Variants in PALM2AKAP2 observed in about 807,000 individuals in gnomAD.
The protein encoded by PALM2AKAP2 is PALM2-AKAP2 fusion protein.
In PALM2AKAP2, 37 loss-of-function variants were observed where a neutral mutation model predicts 71.5. The ratio of observed to expected loss-of-function variants is 0.52; its 90% CI spans 0.40 to 0.68. PALM2AKAP2 has a LOEUF of 0.68. Among genes scored for constraint, PALM2AKAP2 ranks in the 30% least tolerant of loss-of-function variants. The pLI, the probability that PALM2AKAP2 is intolerant of heterozygous loss-of-function variation, is 0.00. For missense variants in PALM2AKAP2, 1,224 were observed against 1,191.8 expected, an observed-to-expected ratio of 1.03 and a Z score of -0.40; for synonymous variants, 468 against 478.8, an observed-to-expected ratio of 0.98 and a Z score of 0.29.
intron 1 of PALM2AKAP2, among the ~76,000 whole-genome samples, chr9:109,797,341 G>T (rs1827289550): frequency 6.6e-6 from 1 of 152,226 alleles, no homozygotes. Flanking sequence ...AATGGAAACA[G>T]TTGCTTTGCC....
At chr9:109,977,915 G>A (rs557974083) in intron 6 of PALM2AKAP2, among the ~76,000 whole-genome samples, 16 of 152,250 alleles carry the variant, frequency 1.1e-4, no homozygotes, top group African/African-American at 3.6e-4. Context: ...TGGTGGCCTA[G>A]CTTAGATAGT....
At chr9:109,781,568 A>G (rs1291682196) in intron 1 of PALM2AKAP2, among the ~76,000 whole-genome samples, 4 of 152,234 alleles carry the variant, frequency 2.6e-5, no homozygotes, top group Non-Finnish European at 4.4e-5. Context: ...AGCGTTTTCC[A>G]AAACCTTTTT....
At chr9:109,948,779 A>G (rs550858979) in intron 6 of PALM2AKAP2, among the ~76,000 whole-genome samples, 1 of 152,334 alleles carries the variant, frequency 6.6e-6, no homozygotes, top group South Asian at 2.1e-4. Flanking sequence ...CAGAAAGAAA[A>G]GAATTACAGG....
intron 6 of PALM2AKAP2, among the ~76,000 whole-genome samples, chr9:109,997,224 A>G (rs548123609): frequency 2.0e-4 from 30 of 152,214 alleles, no homozygotes; most frequent in Middle Eastern, 3.4e-3. Context: ...AAGTAATAAA[A>G]AGTAAATAAA....
chr9:109,867,114 G>A (rs1267586807), intron 1 of PALM2AKAP2: 1 of 456,818 alleles, frequency 2.2e-6, no homozygotes, highest in South Asian at 1.5e-5. Flanking sequence ...TTTGGATTGA[G>A]ACGTTTTTAT....
chr9:109,732,444 T>C (rs1027041118), intron 1 of PALM2AKAP2, among the ~76,000 whole-genome samples: 3 of 152,214 alleles, frequency 2.0e-5, no homozygotes, highest in African/African-American at 4.8e-5. Context: ...TTATTTATAA[T>C]TGATTGCTGT....
intron 1 of PALM2AKAP2, among the ~76,000 whole-genome samples, chr9:109,845,157 C>T (rs952541613): frequency 1.3e-5 from 2 of 152,236 alleles, no homozygotes; most frequent in African/African-American, 2.4e-5. Flanking sequence ...CTCTATCCTC[C>T]TGAAAAGAGG....
intron 3 of PALM2AKAP2, among the ~76,000 whole-genome samples, chr9:109,921,216 T>C (rs1345598899): frequency 6.6e-6 from 1 of 152,182 alleles, no homozygotes; most frequent in Non-Finnish European, 1.5e-5. Context: ...GCAACTTAGC[T>C]CAGCTTTTTA....
chr9:110,062,759 A>G (rs1289821011), intron 1 of PALM2AKAP2, among the ~76,000 whole-genome samples: 3 of 152,220 alleles, frequency 2.0e-5, no homozygotes, highest in Non-Finnish European at 2.9e-5. Context: ...CTATTTTCTC[A>G]TATAGTTGTA....
At position 110,014,923 on chromosome 9, in the gene PALM2AKAP2, G is replaced by A. The variant is rs538958750; in HGVS notation, c.497-1031G>A. Among the ~76,000 whole-genome samples, 8 of 133,160 alleles carry A rather than the reference G, an allele frequency of 6.0e-5. No homozygotes were observed. In the East Asian group the frequency reaches 1.2e-3, roughly 20 times the overall value. 87.4% of individuals were successfully genotyped at this position (133,160 alleles called of 152,430 possible). ...TGTAGATCATTTTAACTCTATTCAC[G>A]TACATAACTGCATCTGAATTAGTAC... On this transcript the variant is annotated intron_variant, in intron 6 of 9. Transcript: ENST00000302798.
intron 7 of PALM2AKAP2, among the ~76,000 whole-genome samples, chr9:110,033,886 T>C (rs189095169): frequency 7.0e-4 from 107 of 152,320 alleles, no homozygotes; most frequent in African/African-American, 2.5e-3. Context: ...GTGTATTCTG[T>C]GGCCTTTATA....
At chr9:109,643,432 C>T (rs1195049041) in intron 1 of PALM2AKAP2, among the ~76,000 whole-genome samples, 2 of 152,246 alleles carry the variant, frequency 1.3e-5, no homozygotes, top group Admixed American at 1.3e-4. Context: ...TGATATGTTT[C>T]TCCCAGACTT....
chr9:109,925,778 C>T (rs974457218), intron 5 of PALM2AKAP2, among the ~76,000 whole-genome samples: 15 of 152,184 alleles, frequency 9.9e-5, no homozygotes, highest in African/African-American at 3.4e-4. Context: ...GTACTTCTCA[C>T]CCTTCACCTT....
chr9:110,064,384 G>A (rs752203655), intron 1 of PALM2AKAP2, among the ~76,000 whole-genome samples: 1 of 152,190 alleles, frequency 6.6e-6, no homozygotes, highest in East Asian at 1.9e-4. Context: ...TCCTAGCCCA[G>A]CCTCGGTCTG....
Position 109,840,864 on chromosome 9 carries a change from G to A in PALM2AKAP2, c.46-26627G>A, listed in dbSNP as rs183580007. The stretch of plus-strand genomic sequence containing the variant: ...AATGGCGATCATTAAAAAGTCAGGA[G>A]ACAACAGGTGCTGGAGAGGATGTGG... On this transcript the variant is annotated intron_variant, in intron 1 of 9. Transcript: ENST00000302798. Among the ~76,000 whole-genome samples the A allele has an allele frequency of 6.8e-3, 1,030 of 152,244 alleles. 7 individuals are homozygous for A. The highest frequency in any genetic ancestry group is 0.044 in the Middle Eastern group (13 of 294).
intron 1 of PALM2AKAP2, among the ~76,000 whole-genome samples, chr9:109,687,574 G>C (rs145134312): frequency 6.6e-6 from 1 of 152,218 alleles, no homozygotes; most frequent in African/African-American, 2.4e-5. Context: ...ATTGAAGACA[G>C]TTAGAGCCTT....
At chr9:110,054,321 C>T (rs1833783643) in intron 1 of PALM2AKAP2, among the ~76,000 whole-genome samples, 1 of 152,124 alleles carries the variant, frequency 6.6e-6, no homozygotes, top group African/African-American at 2.4e-5. Context: ...ATCGCTTGAA[C>T]CCAGGAGGCA....
At chr9:109,929,178 T>A (rs376038022) in intron 5 of PALM2AKAP2, among the ~76,000 whole-genome samples, 1 of 148,556 alleles carries the variant, frequency 6.7e-6, no homozygotes, top group Non-Finnish European at 1.5e-5. Flanking sequence ...AGTTTTTTTT[T>A]TTTTGTTTCT....
rs142958479 is a variant in PALM2AKAP2, at chr9:110,129,038, A to T, written c.157-7089A>T. On this transcript the variant is annotated intron_variant, in intron 1 of 3. Coordinates refer to ENST00000374525, the Ensembl canonical transcript of PALM2AKAP2. ...TTCCCACAGTGTCCATCATAATGAC[A>T]TGGACATGGGATCTTAATATTTTAC... 9.0e-3 allele frequency among the ~76,000 whole-genome samples: 1,370 copies of T among 152,352 alleles called. 22 individuals carry two copies. Among genetic ancestry groups the T allele is most frequent in the African/African-American group, 0.032 (1,321 of 41,576 alleles).
Sources: allele counts gnomAD v4.1 joint callset (sites outside exome capture counted in the v4.1 genomes callset), GRCh38; gene constraint gnomAD v4.1.1; transcripts MANE v1.5; gene names NCBI Gene and HGNC (gene_info 2026-07-23, HGNC 2026-07-21).